The following GRAMD1C variants were observed in gnomAD, a reference collection of about 807,000 sequenced individuals.
GRAMD1C encodes the protein protein Aster-C.
A neutral mutation model predicts 97.8 loss-of-function variants in GRAMD1C; 89 were observed. That is an observed-to-expected ratio of 0.91 (90% CI 0.77 to 1.09). The LOEUF (loss-of-function observed/expected upper bound fraction) is 1.09. GRAMD1C is among the 50% of genes least tolerant of loss of function. GRAMD1C has a pLI of 0.00. For synonymous variants in GRAMD1C, 256 were observed against 267.0 expected, an observed-to-expected ratio of 0.96 and a Z score of 0.40; for missense variants, 740 against 766.4, an observed-to-expected ratio of 0.97 and a Z score of 0.41.
At chr3:113,857,961 T>C (rs1934215609) in intron 2 of GRAMD1C, among the ~76,000 whole-genome samples, 1 of 152,200 alleles carries the variant, frequency 6.6e-6, no homozygotes, top group Non-Finnish European at 1.5e-5. Context: ...TGTAATTTTC[T>C]ATTTTTTGTA....
At position 113,946,068 on chromosome 3, in the gene GRAMD1C, T is replaced by C. The variant is rs1158437610; in HGVS notation, c.*590T>C. ...ATGATGATTATCAGAAAGGGTCTTC[T>C]GCCATGCTGTATCTTTATGAAAGAA... is the stretch of plus-strand genomic sequence containing the variant. On this transcript the variant is annotated 3_prime_UTR_variant, in exon 18 of 18. Transcript: ENST00000358160. 1.3e-5 allele frequency: 2 copies of C among 152,468 alleles called. No individual in the cohort carries two copies. Among genetic ancestry groups the C allele is most frequent in the East Asian group, 1.9e-4 (1 of 5,198 alleles). The allele number at this position is 152,468 out of a possible 1,614,324, so 9.4% of individuals were successfully genotyped here.
chr3:113,911,390 A>G (rs1019622196), intron 9 of GRAMD1C, among the ~76,000 whole-genome samples: 17 of 151,838 alleles, frequency 1.1e-4, no homozygotes, highest in African/African-American at 3.6e-4. Context: ...GATTACAAAC[A>G]TGCACCACCA....
chr3:113,848,797 C>T (rs979787961), intron 2 of GRAMD1C, among the ~76,000 whole-genome samples: 3 of 151,940 alleles, frequency 2.0e-5, no homozygotes, highest in South Asian at 2.1e-4. Context: ...CAGAGAGAGA[C>T]GCTGTCTCAA....
chr3:113,864,409 G>A (rs540767584), intron 2 of GRAMD1C, among the ~76,000 whole-genome samples: 5 of 152,050 alleles, frequency 3.3e-5, no homozygotes, highest in South Asian at 2.1e-4. Context: ...CCACCGCGCC[G>A]GCCTATTTTA....
At chr3:113,862,362 C>G (rs1934411094) in intron 2 of GRAMD1C, among the ~76,000 whole-genome samples, 1 of 152,196 alleles carries the variant, frequency 6.6e-6, no homozygotes, top group Non-Finnish European at 1.5e-5. Context: ...TTCTCTTTCT[C>G]AGGGATGTTC....
At chr3:113,863,803 C>T (rs2107358744) in intron 2 of GRAMD1C, among the ~76,000 whole-genome samples, 1 of 152,264 alleles carries the variant, frequency 6.6e-6, no homozygotes, top group South Asian at 2.1e-4. Flanking sequence ...CAGTGTTCTA[C>T]CCTTTTGGGG....
intron 10 of GRAMD1C, chr3:113,919,264 G>T: frequency 2.4e-6 from 1 of 421,230 alleles, no homozygotes. Flanking sequence ...TTGTGAGATT[G>T]ATATGTCTTT....
chr3:113,853,319 A>G (rs1933987424), intron 2 of GRAMD1C, among the ~76,000 whole-genome samples: 1 of 152,220 alleles, frequency 6.6e-6, no homozygotes, highest in African/African-American at 2.4e-5. Flanking sequence ...TGAGAGATAA[A>G]GAGAGAAAGT....
intron 2 of GRAMD1C, among the ~76,000 whole-genome samples, chr3:113,845,408 T>G (rs1369724059): frequency 6.6e-6 from 1 of 152,156 alleles, no homozygotes; most frequent in Non-Finnish European, 1.5e-5. Context: ...AGCTGATCTC[T>G]TGGCTGGGCA....
chr3:113,930,700 TTTG>T lies in GRAMD1C; in HGVS notation c.1091-5_1091-3del. ...GTTTCTAGAACTAACTCATTTTGTGTTTGTTGTTGTTAGATGTAGTATCTACCC... is the reference window on the plus strand; with the variant it reads ...GTTTCTAGAACTAACTCATTTTGTGTTTGTTGTTAGATGTAGTATCTACCC... On this transcript the variant is annotated splice_polypyrimidine_tract_variant and intron_variant, in intron 10 of 17. Transcript: ENST00000358160. 3.0e-6 allele frequency: 4 copies of T among 1,320,710 alleles called. No homozygotes were observed. Among genetic ancestry groups the T allele is most frequent in the Non-Finnish European group, 4.4e-6 (4 of 913,602 alleles). The allele number at this position is 1,320,710 out of a possible 1,614,324, so 81.8% of individuals were successfully genotyped here. A position where few individuals can be genotyped will look rare whatever the true frequency, so the allele number is the denominator to read the frequency against.
rs142710972 is a variant in GRAMD1C, at chr3:113,890,638, C to T, written c.540+7806C>T. ...ACCCCAAATACTAACTTGTTGAGTG[C>T]TCAGAATCCGTGAGGTGCATTCTCT... is the stretch of plus-strand genomic sequence containing the variant. On this transcript the variant is annotated intron_variant, in intron 6 of 17. Transcript: ENST00000358160. The T allele has an allele frequency of 1.4e-5, 9 of 640,338 alleles. No individual in the cohort carries two copies. In the East Asian group the frequency reaches 2.0e-4, roughly 14 times the overall value. 39.7% of individuals were successfully genotyped at this position (640,338 alleles called of 1,614,324 possible).
intron 10 of GRAMD1C, among the ~76,000 whole-genome samples, chr3:113,920,718 T>C (rs1011291206): frequency 2.0e-5 from 3 of 152,072 alleles, no homozygotes; most frequent in African/African-American, 7.2e-5. Flanking sequence ...TTTTTTTGTA[T>C]TTTTAGTAGA....
chr3:113,843,842 G>A (rs1269009659), intron 1 of GRAMD1C, among the ~76,000 whole-genome samples: 1 of 152,154 alleles, frequency 6.6e-6, no homozygotes, highest in African/African-American at 2.4e-5. Context: ...GGACGGTGAG[G>A]TTATTTCCAC....
chr3:113,918,353 G>T (rs1936914407), intron 10 of GRAMD1C, among the ~76,000 whole-genome samples: 1 of 152,148 alleles, frequency 6.6e-6, no homozygotes, highest in Non-Finnish European at 1.5e-5. Context: ...TTTTTGAGAG[G>T]ATACCTGTTA....
intron 12 of GRAMD1C, 135 bp from the exon 13 acceptor site, chr3:113,934,296 CA>C: frequency 1.8e-6 from 1 of 555,208 alleles, no homozygotes; most frequent in East Asian, 3.3e-5. Context: ...TATCAATGAA[CA>C]CATTTTCTTT....
Position 113,856,697 on chromosome 3 carries a change from G to C in GRAMD1C, c.174+12048G>C, listed in dbSNP as rs987253811. On this transcript the variant is annotated intron_variant, in intron 2 of 17. Transcript: ENST00000358160. ...TGGGATTACAGGCGCGTGCCACCATGCCTGGCTAATTTTTGTATTTTTAGC... is the reference window on the plus strand; with the variant it reads ...TGGGATTACAGGCGCGTGCCACCATCCCTGGCTAATTTTTGTATTTTTAGC... 8.6e-5 allele frequency among the ~76,000 whole-genome samples: 13 copies of C among 151,968 alleles called. 1 individual carries two copies. Among genetic ancestry groups the C allele is most frequent in the African/African-American group, 3.1e-4 (13 of 41,376 alleles).
chr3:113,944,715 G>A (rs1481386537), intron 17 of GRAMD1C, among the ~76,000 whole-genome samples: 1 of 152,222 alleles, frequency 6.6e-6, no homozygotes, highest in African/African-American at 2.4e-5. Context: ...ATGAAGGACA[G>A]GACAGTGCCT....
intron 2 of GRAMD1C, chr3:113,850,790 A>G (rs1265274641): frequency 1.3e-6 from 1 of 777,698 alleles, no homozygotes; most frequent in South Asian, 3.4e-5. Flanking sequence ...TTTTTTTTTT[A>G]TTTTTATTTT....
chr3:113,875,887 T>G (rs888117677), intron 4 of GRAMD1C: 11 of 410,520 alleles, frequency 2.7e-5, no homozygotes, highest in African/African-American at 2.2e-4. Flanking sequence ...GATTTTTGTT[T>G]GTGTGTTAAT....
Sources: gnomAD v4.1 joint callset for allele counts (sites outside exome capture counted in the v4.1 genomes callset) on GRCh38, gnomAD v4.1.1 for gene constraint, MANE v1.5 for transcripts, NCBI Gene and HGNC (gene_info 2026-07-23, HGNC 2026-07-21) for gene names.